The following SLCO1B3 variants were observed in gnomAD, a reference collection of about 807,000 sequenced individuals.
The protein encoded by SLCO1B3 is solute carrier organic anion transporter family member 1B3.
Under a neutral mutation model 71.8 loss-of-function variants are expected in SLCO1B3, and 72 were observed. That is an observed-to-expected ratio of 1.00 (90% CI 0.83 to 1.22). The LOEUF (loss-of-function observed/expected upper bound fraction) is 1.22, where lower values mean the gene tolerates loss of function less well. Ranked by LOEUF, SLCO1B3 falls within the 50% of genes most tolerant of loss-of-function variation. SLCO1B3 has a pLI of 0.00. For missense variants in SLCO1B3, 911 were observed against 819.7 expected (o/e 1.11, Z -1.36); for synonymous variants, 298 against 278.4 (o/e 1.07, Z -0.70).
At chr12:20,905,685 C>T (rs1189570702) in intron 15 of SLCO1B3, among the ~76,000 whole-genome samples, 2 of 152,304 alleles carry the variant, frequency 1.3e-5, no homozygotes, top group South Asian at 2.1e-4. Context: ...ATAAGTTCCT[C>T]ATCTCCATCT....
At position 20,879,470 on chromosome 12, in the gene SLCO1B3, G is replaced by GT. The variant is rs1467871950; in HGVS notation, c.1175dup (p.Leu392PhefsTer7). ...CCATTCCTACGGTTGCAACTGGAAT[G>GT]TTTTTAGGAGGATTTATCATTAAAA... On this transcript the variant is annotated frameshift_variant, in exon 11 of 16. Transcript: ENST00000381545. LOFTEE classifies it high-confidence loss of function. 2 of 1,609,820 alleles carry GT rather than the reference G, an allele frequency of 1.2e-6. No individual in the cohort carries two copies. Among genetic ancestry groups the GT allele is most frequent in the African/African-American group, 2.7e-5 (2 of 74,668 alleles).
intron 3 of SLCO1B3, among the ~76,000 whole-genome samples, chr12:20,817,944 G>C (rs900589765): frequency 2.0e-5 from 3 of 152,108 alleles, no homozygotes; most frequent in Non-Finnish European, 4.4e-5. Flanking sequence ...GGAGATATCA[G>C]CTGTGATGGC....
intron 5 of SLCO1B3, chr12:20,858,800 A>G: frequency 3.7e-6 from 1 of 268,534 alleles, no homozygotes; most frequent in Non-Finnish European, 7.0e-6. Flanking sequence ...GAATAATATT[A>G]TATAAGGTAT....
At chr12:20,845,566 C>T (rs1480121434) in intron 3 of SLCO1B3, among the ~76,000 whole-genome samples, 1 of 151,760 alleles carries the variant, frequency 6.6e-6, no homozygotes, top group African/African-American at 2.4e-5. Flanking sequence ...AAAGCCTGTT[C>T]TCTGGAGGAA....
intron 13 of SLCO1B3, among the ~76,000 whole-genome samples, chr12:20,886,234 T>C (rs934898301): frequency 2.0e-5 from 3 of 152,024 alleles, no homozygotes; most frequent in Non-Finnish European, 1.5e-5. Flanking sequence ...AAATTTCTTA[T>C]ATCCCTGTAA....
intron 15 of SLCO1B3, among the ~76,000 whole-genome samples, chr12:20,914,606 A>T (rs1866455143): frequency 6.6e-6 from 1 of 152,058 alleles, no homozygotes; most frequent in Admixed American, 6.6e-5. Context: ...TTCTTCTCTG[A>T]TATTCTTCCA....
At chr12:20,860,516 A>G (rs1460941552) in intron 5 of SLCO1B3, among the ~76,000 whole-genome samples, 2 of 151,968 alleles carry the variant, frequency 1.3e-5, no homozygotes, top group South Asian at 2.1e-4. Flanking sequence ...ATCCAGCTCC[A>G]TCTCCGTTGT....
intron 15 of SLCO1B3, among the ~76,000 whole-genome samples, chr12:20,902,858 C>T (rs1866155759): frequency 6.6e-6 from 1 of 151,890 alleles, no homozygotes; most frequent in Admixed American, 6.6e-5. Flanking sequence ...CACTTGAGAC[C>T]AGGAGTTCGA....
intron 13 of SLCO1B3, 79 bp downstream of exon 13, chr12:20,883,681 T>A (rs539292110): frequency 6.4e-6 from 6 of 930,808 alleles, no homozygotes; most frequent in Middle Eastern, 2.9e-4. Flanking sequence ...TTCTGTATTT[T>A]GAGCTCAAAT....
chr12:20,904,472 C>T (rs1010761319), intron 15 of SLCO1B3, among the ~76,000 whole-genome samples: 1 of 152,060 alleles, frequency 6.6e-6, no homozygotes, highest in Admixed American at 6.5e-5. Flanking sequence ...AGGCTTTGGG[C>T]AGCTCCACTC....
chr12:20,821,615 G>T (rs550678194), intron 3 of SLCO1B3, among the ~76,000 whole-genome samples: 39 of 152,230 alleles, frequency 2.6e-4, no homozygotes, highest in African/African-American at 9.4e-4. Context: ...TGCCACTAAG[G>T]GTGAAGGAGA....
chr12:20,857,450 TTTTC>T (rs1169730908), intron 4 of SLCO1B3, among the ~76,000 whole-genome samples: 1 of 151,946 alleles, frequency 6.6e-6, no homozygotes, highest in Non-Finnish European at 1.5e-5. Context: ...TTTCTACCTC[TTTTC>T]TTTATGTTTC....
chr12:20,911,375 AT>A, intron 15 of SLCO1B3, among the ~76,000 whole-genome samples: 2 of 152,188 alleles, frequency 1.3e-5, no homozygotes, highest in East Asian at 3.9e-4. Flanking sequence ...CTGCACCTGT[AT>A]TTGTGAGATG....
rs1237084281 is a variant in SLCO1B3 at position 20,844,993 on chromosome 12, G to A, written c.85-10035G>A. 7 of 217,428 alleles carry A rather than the reference G, an allele frequency of 3.2e-5. No homozygotes were observed. In the East Asian group the frequency reaches 9.2e-4, roughly 28 times the overall value. The allele number at this position is 217,428 out of a possible 1,614,324, so 13.5% of individuals were successfully genotyped here. A position where few individuals can be genotyped will look rare whatever the true frequency, so the allele number is the denominator to read the frequency against. On this transcript the variant is annotated intron_variant, in intron 3 of 15. Transcript: ENST00000381545. ...TGCAGTGAGCCAAGATTGTGTCACTGCACTCCAGTCCATGTGACAGAGCAA... is the reference window on the plus strand; with the variant it reads ...TGCAGTGAGCCAAGATTGTGTCACTACACTCCAGTCCATGTGACAGAGCAA...
intron 9 of SLCO1B3, 34 bp downstream of exon 9, chr12:20,875,511 T>C: frequency 6.3e-7 from 1 of 1,581,494 alleles, no homozygotes; most frequent in South Asian, 1.2e-5. Flanking sequence ...AACTTGGAAT[T>C]GTTAATCTCA....
intron 3 of SLCO1B3, chr12:20,845,185 C>T: frequency 2.8e-6 from 1 of 355,518 alleles, no homozygotes; most frequent in Non-Finnish European, 5.7e-6. Context: ...TACAAGGTAG[C>T]CACATGGGAG....
At position 20,909,375 on chromosome 12, in the gene SLCO1B3, A is replaced by G. The variant is rs372128966; in HGVS notation, c.1866-6629A>G. On this transcript the variant is annotated intron_variant, in intron 15 of 15. Transcript: ENST00000381545. ...TTTTTAGTAGAGACAGGGTTTCGCC[A>G]TGTTAGCCAGGATGGTCTTGATCTC... Among the ~76,000 whole-genome samples the G allele has an allele frequency of 3.8e-4, 56 of 146,016 alleles. 1 individual carries two copies. In the South Asian group the frequency reaches 6.1e-3, roughly 16 times the overall value.
intron 15 of SLCO1B3, chr12:20,902,298 G>A (rs567040289): frequency 1.8e-4 from 28 of 154,000 alleles, no homozygotes; most frequent in South Asian, 4.0e-4. Context: ...GTGTATAAGC[G>A]TTCCCTTTTC....
At chr12:20,849,983 C>T (rs1864992023) in intron 3 of SLCO1B3, among the ~76,000 whole-genome samples, 1 of 149,476 alleles carries the variant, frequency 6.7e-6, no homozygotes, top group African/African-American at 2.4e-5. Flanking sequence ...ACAGTGCTAC[C>T]CAGATTTCTC....
Sources: allele counts gnomAD v4.1 joint callset (sites outside exome capture counted in the v4.1 genomes callset), GRCh38; gene constraint gnomAD v4.1.1; transcripts MANE v1.5; gene names NCBI Gene and HGNC (gene_info 2026-07-23, HGNC 2026-07-21).